ZMYM4: variants seen among roughly 807,000 people sequenced by gnomAD.
ZMYM4 encodes zinc finger MYM-type containing 4.
In ZMYM4, 31 loss-of-function variants were observed where a neutral mutation model predicts 183.2. The observed-to-expected ratio is 0.17, with a 90% confidence interval of 0.13 to 0.23. ZMYM4 has a LOEUF of 0.23. Ranked by LOEUF, ZMYM4 falls within the 10% of genes least tolerant of loss-of-function variation. The pLI, the probability that ZMYM4 is intolerant of heterozygous loss-of-function variation, is 1.00. For missense variants in ZMYM4, 1,273 were observed against 1,840.3 expected (o/e 0.69, Z 5.64); for synonymous variants, 592 against 631.2 (o/e 0.94, Z 0.93).
chr1:35,393,900 CG>C (rs1007230162), intron 18 of ZMYM4, among the ~76,000 whole-genome samples, 161 bp downstream of exon 18: 1 of 152,078 alleles, frequency 6.6e-6, no homozygotes, highest in African/African-American at 2.4e-5. Flanking sequence ...AGGTATTTTC[CG>C]CATCTGAGGC....
chr1:35,349,798 C>G (rs1643531690), intron 2 of ZMYM4, among the ~76,000 whole-genome samples: 1 of 149,464 alleles, frequency 6.7e-6, no homozygotes, highest in Non-Finnish European at 1.5e-5. Context: ...CCACTGCACT[C>G]CAGCCTGGGA....
intron 5 of ZMYM4, among the ~76,000 whole-genome samples, chr1:35,365,595 C>T (rs1273848051): frequency 6.6e-6 from 1 of 152,012 alleles, no homozygotes; most frequent in African/African-American, 2.4e-5. Context: ...CTCTTTTAGC[C>T]ATATTGAGTT....
intron 1 of ZMYM4, among the ~76,000 whole-genome samples, chr1:35,309,495 C>A (rs979930059): frequency 6.6e-6 from 1 of 152,098 alleles, no homozygotes; most frequent in South Asian, 2.1e-4. Flanking sequence ...TGGCTTTGTA[C>A]TGATCATTTA....
At chr1:35,295,428 A>G (rs1438482100) in intron 1 of ZMYM4, among the ~76,000 whole-genome samples, 1 of 152,228 alleles carries the variant, frequency 6.6e-6, no homozygotes, top group African/African-American at 2.4e-5. Context: ...AAGGTGGTGA[A>G]TAACAGTAGA....
chr1:35,380,517 G>A lies in ZMYM4; in HGVS notation c.1182-742G>A, dbSNP rs142399218. Among the ~76,000 whole-genome samples the A allele has an allele frequency of 4.9e-3, 748 of 152,058 alleles. 4 individuals are homozygous for A. Among genetic ancestry groups the A allele is most frequent in the African/African-American group, 0.017 (712 of 41,476 alleles). ...TAATTTTTTGTATTTTTAGAGAGACGGGGTTTCACCGTGTTAGCCAGGATG... is the reference window on the plus strand; with the variant it reads ...TAATTTTTTGTATTTTTAGAGAGACAGGGTTTCACCGTGTTAGCCAGGATG... On this transcript the variant is annotated intron_variant, in intron 7 of 29. Coordinates refer to ENST00000314607, the MANE Select transcript of ZMYM4 (RefSeq NM_005095.3).
At chr1:35,308,682 GA>G (rs934015334) in intron 1 of ZMYM4, among the ~76,000 whole-genome samples, 19 of 152,136 alleles carry the variant, frequency 1.2e-4, no homozygotes, top group Non-Finnish European at 1.6e-4. Flanking sequence ...GCAACATGGC[GA>G]AACCCTGTCT....
intron 23 of ZMYM4, 78 bp downstream of exon 23, chr1:35,399,654 A>G: frequency 6.8e-7 from 1 of 1,465,182 alleles, no homozygotes; most frequent in Non-Finnish European, 9.4e-7. Flanking sequence ...TGCTTTCAAA[A>G]CTCTGTAACA....
At chr1:35,349,119 C>T (rs146812664) in intron 2 of ZMYM4, among the ~76,000 whole-genome samples, 2,041 of 152,258 alleles carry the variant, frequency 0.013, 47 homozygotes, top group African/African-American at 0.047. Context: ...CCTCAGCTTC[C>T]TGAGTGGCTG....
At chr1:35,365,174 A>G (rs190131496) in intron 5 of ZMYM4, among the ~76,000 whole-genome samples, 3 of 151,480 alleles carry the variant, frequency 2.0e-5, no homozygotes, top group Non-Finnish European at 4.4e-5. Flanking sequence ...GCTGAGAGAT[A>G]TAGAGATTTA....
At chr1:35,374,631 T>G (rs1448508821) in intron 7 of ZMYM4, among the ~76,000 whole-genome samples, 1 of 134,324 alleles carries the variant, frequency 7.4e-6, no homozygotes, top group African/African-American at 2.8e-5. Context: ...TGAGACCTGG[T>G]CCCCCCCAGC....
At chr1:35,307,993 C>T (rs1416776721) in intron 1 of ZMYM4, among the ~76,000 whole-genome samples, 2 of 151,832 alleles carry the variant, frequency 1.3e-5, no homozygotes, top group Non-Finnish European at 2.9e-5. Context: ...CCGCACCCGG[C>T]TAATTTTTTA....
intron 16 of ZMYM4, 111 bp downstream of exon 16, chr1:35,392,463 G>A (rs546691232): frequency 7.8e-6 from 11 of 1,405,948 alleles, no homozygotes; most frequent in Non-Finnish European, 1.1e-5. Flanking sequence ...TTCAATATTA[G>A]GAATAGTGGC....
rs371965527 is a variant in ZMYM4 at position 35,363,155 on chromosome 1, A to C, written c.840+1366A>C. ...CACTGCCCTCCGGCTTGGATGACAG[A>C]GTGAGACTTTTTTTTTGGTAAAGTA... On this transcript the variant is annotated intron_variant, in intron 5 of 29. Coordinates refer to ENST00000314607, the MANE Select transcript of ZMYM4 (RefSeq NM_005095.3). Among the ~76,000 whole-genome samples, 29 of 152,234 alleles carry C rather than the reference A, an allele frequency of 1.9e-4. No homozygotes were observed. In the East Asian group the frequency reaches 5.4e-3, roughly 28 times the overall value.
At chr1:35,351,502 G>A in intron 2 of ZMYM4, 3 of 1,486,362 alleles carry the variant, frequency 2.0e-6, no homozygotes, top group East Asian at 4.5e-5. Flanking sequence ...AAACAAAAAA[G>A]AAGAGGTGGA....
chr1:35,386,975 G>A, intron 11 of ZMYM4, 28 bp from the exon 12 acceptor site: 1 of 1,601,104 alleles, frequency 6.2e-7, no homozygotes, highest in East Asian at 2.2e-5. Flanking sequence ...AGATTAAATT[G>A]ATACTTTTTG....
chr1:35,397,246 A>G (rs1644824991), intron 19 of ZMYM4, 131 bp from the exon 20 acceptor site: 2 of 1,143,412 alleles, frequency 1.7e-6, no homozygotes, highest in Non-Finnish European at 2.3e-6. Flanking sequence ...TAGCAAGACT[A>G]TTTTAATCAT....
In ZMYM4 at chr1:35,405,482, C is replaced by A. The variant is rs1644986408; in HGVS notation, c.3796+14C>A. 6.4e-7 allele frequency: 1 copy of A among 1,573,332 alleles called. No individual in the cohort carries two copies. The highest frequency in any genetic ancestry group is 8.6e-7 in the Non-Finnish European group (1 of 1,159,056). ...CAGGCTGTAGAGGTAAAATTTGTTTCTCTCCATTTGGTATGAATTATTTAT... is the reference window on the plus strand; with the variant it reads ...CAGGCTGTAGAGGTAAAATTTGTTTATCTCCATTTGGTATGAATTATTTAT... On this transcript the variant is annotated intron_variant, in intron 25 of 29. Coordinates refer to ENST00000314607, the MANE Select transcript of ZMYM4 (RefSeq NM_005095.3).
chr1:35,373,552 T>C (rs1184232735), intron 7 of ZMYM4, among the ~76,000 whole-genome samples: 1 of 137,894 alleles, frequency 7.3e-6, no homozygotes, highest in Non-Finnish European at 1.5e-5. Context: ...TAATTTTTTT[T>C]TTTTTTTTTT....
chr1:35,293,004 A>ATT (rs58564183), intron 1 of ZMYM4, among the ~76,000 whole-genome samples: 11,664 of 145,372 alleles, frequency 0.08, 1,068 homozygotes, highest in African/African-American at 0.22. Flanking sequence ...TACCATTAAC[A>ATT]TTTTTTTTTT....
Sources: gnomAD v4.1 joint callset for allele counts (sites outside exome capture counted in the v4.1 genomes callset) on GRCh38, gnomAD v4.1.1 for gene constraint, MANE v1.5 for transcripts, NCBI Gene and HGNC (gene_info 2026-07-23, HGNC 2026-07-21) for gene names.